Variants in FAM227A observed in about 807,000 individuals in gnomAD.
FAM227A encodes family with sequence similarity 227 member A.
Under a neutral mutation model 74.7 loss-of-function variants are expected in FAM227A, and 80 were observed. The ratio of observed to expected loss-of-function variants is 1.07; its 90% CI spans 0.89 to 1.29. The LOEUF is 1.29. Ranked by LOEUF, FAM227A falls within the 50% of genes most tolerant of loss-of-function variation. The pLI is 0.00. For synonymous variants in FAM227A, 237 were observed against 241.8 expected (o/e 0.98, Z 0.19); for missense variants, 654 against 683.4 (o/e 0.96, Z 0.48).
intron 8 of FAM227A, 124 bp from the exon 9 acceptor site, chr22:38,626,427 A>G: frequency 8.3e-7 from 1 of 1,209,774 alleles, no homozygotes; most frequent in South Asian, 1.7e-5. Context: ...TTTAGAGACA[A>G]GGTTCTCACT....
intron 5 of FAM227A, among the ~76,000 whole-genome samples, chr22:38,638,469 A>C (rs965747337): frequency 6.6e-6 from 1 of 152,220 alleles, no homozygotes; most frequent in Admixed American, 6.5e-5. Context: ...TGCATGGCAC[A>C]GTGGCTCTGG....
At chr22:38,628,782 C>T (rs148776396) in intron 7 of FAM227A, 52 bp downstream of exon 7, 34 of 1,076,408 alleles carry the variant, frequency 3.2e-5, no homozygotes, top group Non-Finnish European at 4.4e-5. Context: ...GGAATTTGTT[C>T]TGTAGAAAAA....
intron 9 of FAM227A, 95 bp downstream of exon 9, chr22:38,626,085 G>T: frequency 8.0e-7 from 1 of 1,247,700 alleles, no homozygotes; most frequent in Non-Finnish European, 1.1e-6. Flanking sequence ...ATGCCTTCAT[G>T]AAGGGGTGTC....
chr22:38,612,821 G>A (rs1288189612), intron 11 of FAM227A, among the ~76,000 whole-genome samples: 2 of 151,466 alleles, frequency 1.3e-5, no homozygotes, highest in Non-Finnish European at 2.9e-5. Flanking sequence ...CTTGGCAGAG[G>A]CAGTATGGTT....
intron 1 of FAM227A, among the ~76,000 whole-genome samples, chr22:38,651,364 GT>G (rs1373032136): frequency 6.6e-6 from 1 of 152,078 alleles, no homozygotes; most frequent in East Asian, 1.9e-4. Context: ...ACTTACCATG[GT>G]TTTTTGTTTG....
At chr22:38,632,208 C>T (rs1006920148) in intron 6 of FAM227A, among the ~76,000 whole-genome samples, 3 of 152,104 alleles carry the variant, frequency 2.0e-5, no homozygotes, top group Admixed American at 2.0e-4. Context: ...GGAAGTGACA[C>T]AATTCTGAAG....
intron 15 of FAM227A, among the ~76,000 whole-genome samples, chr22:38,595,449 G>A (rs1268859844): frequency 6.6e-6 from 1 of 152,166 alleles, no homozygotes; most frequent in Non-Finnish European, 1.5e-5. Flanking sequence ...TATTCTTTAT[G>A]GAAAAATGCC....
chr22:38,626,062 G>A lies in FAM227A; in HGVS notation c.850+118C>T, dbSNP rs905008097. The stretch of plus-strand genomic sequence containing the variant: ...ACTTTGCTCTCTTTAATGTTAAGGA[G>A]AGAAAAGAGAGAATGCCTTCATGAA... On this transcript the variant is annotated intron_variant, in intron 9 of 16. Coordinates refer to ENST00000535113, the MANE Select transcript of FAM227A (RefSeq NM_001013647.2). The A allele has an allele frequency of 1.1e-5, 11 of 1,043,984 alleles. No individual in the cohort carries two copies. The Admixed American group carries it at 2.7e-4, about 26-fold the overall frequency. 64.7% of individuals were successfully genotyped at this position (1,043,984 alleles called of 1,614,324 possible).
chr22:38,591,922 C>T (rs1267646144), intron 15 of FAM227A, among the ~76,000 whole-genome samples: 1 of 151,766 alleles, frequency 6.6e-6, no homozygotes, highest in African/African-American at 2.4e-5. Context: ...TAATATAAGG[C>T]ATGATGAGCT....
intron 11 of FAM227A, among the ~76,000 whole-genome samples, chr22:38,613,303 A>T (rs1424088574): frequency 3.6e-5 from 2 of 54,818 alleles, no homozygotes; most frequent in Non-Finnish European, 6.5e-5. Context: ...TATCATATAT[A>T]ATATATAACA....
intron 3 of FAM227A, among the ~76,000 whole-genome samples, chr22:38,642,807 A>T (rs1213137589): frequency 6.6e-6 from 1 of 151,874 alleles, no homozygotes; most frequent in Non-Finnish European, 1.5e-5. Context: ...GTGGTGCCAC[A>T]TGTCTGTAAT....
intron 11 of FAM227A, among the ~76,000 whole-genome samples, chr22:38,619,666 G>A (rs951700819): frequency 6.6e-6 from 1 of 152,128 alleles, no homozygotes; most frequent in South Asian, 2.1e-4. Context: ...ATAGGGTCAG[G>A]TGGTGATGGG....
chr22:38,644,838 A>G (rs1399793713), intron 3 of FAM227A, among the ~76,000 whole-genome samples: 1 of 152,166 alleles, frequency 6.6e-6, no homozygotes, highest in Non-Finnish European at 1.5e-5. Flanking sequence ...CTGTAATCCC[A>G]GCACTTTGAG....
At chr22:38,613,072 T>TTA (rs1379040280) in intron 11 of FAM227A, among the ~76,000 whole-genome samples, 11 of 97,554 alleles carry the variant, frequency 1.1e-4, no homozygotes, top group African/African-American at 3.3e-4. Context: ...TGTAAATATA[T>TTA]TATATATAAT....
chr22:38,613,979 C>A (rs1300899906), intron 11 of FAM227A, among the ~76,000 whole-genome samples: 1 of 152,150 alleles, frequency 6.6e-6, no homozygotes, highest in Admixed American at 6.5e-5. Context: ...TCAAGAGATG[C>A]CTCAGTCCCC....
intron 9 of FAM227A, among the ~76,000 whole-genome samples, chr22:38,623,907 T>A (rs2091743466): frequency 6.6e-6 from 1 of 152,170 alleles, no homozygotes; most frequent in Non-Finnish European, 1.5e-5. Context: ...AAGGATTACT[T>A]GAGACATTTG....
At chr22:38,590,113 C>CA (rs1237689918) in intron 16 of FAM227A, among the ~76,000 whole-genome samples, 1 of 150,048 alleles carries the variant, frequency 6.7e-6, no homozygotes, top group East Asian at 2.0e-4. Flanking sequence ...CAAAACAAAA[C>CA]AAAAAAACGA....
rs1326196177 is a variant in FAM227A, at chr22:38,581,683, C to G, written c.*4442G>C. On this transcript the variant is annotated 3_prime_UTR_variant, in exon 17 of 17. Transcript: ENST00000535113. ...CAAACTACTGGTCTCAGGCAATCCA[C>G]CCGCCTCGGCCTCCCAAAGTGCTGA... The G allele has an allele frequency of 6.6e-6, 1 of 152,176 alleles. No individual in the cohort carries two copies. Among genetic ancestry groups the G allele is most frequent in the Non-Finnish European group, 1.5e-5 (1 of 68,094 alleles). The allele number at this position is 152,176 out of a possible 1,614,324, so 9.4% of individuals were successfully genotyped here.
At chr22:38,589,094 G>T (rs1399234341) in intron 16 of FAM227A, among the ~76,000 whole-genome samples, 1 of 152,100 alleles carries the variant, frequency 6.6e-6, no homozygotes, top group Non-Finnish European at 1.5e-5. Flanking sequence ...AGACATTAGG[G>T]TGGGCCTTTA....
Sources: allele counts gnomAD v4.1 joint callset (sites outside exome capture counted in the v4.1 genomes callset), GRCh38; gene constraint gnomAD v4.1.1; transcripts MANE v1.5; gene names NCBI Gene and HGNC (gene_info 2026-07-23, HGNC 2026-07-21).